The following SH3BGRL2 variants were observed in gnomAD, a reference collection of about 807,000 sequenced individuals.
SH3BGRL2 encodes SH3 domain-binding glutamic acid-rich-like protein 2.
Under a neutral mutation model 14.8 loss-of-function variants are expected in SH3BGRL2, and 21 were observed. The ratio of observed to expected loss-of-function variants is 1.42; its 90% CI spans 1.01 to 2.05. The LOEUF (loss-of-function observed/expected upper bound fraction) is 2.05. Among genes scored for constraint, SH3BGRL2 ranks in the 30% most tolerant of loss-of-function variants. The pLI, the probability that SH3BGRL2 is intolerant of heterozygous loss-of-function variation, is 0.00. For missense variants in SH3BGRL2, 147 were observed against 130.8 expected, an observed-to-expected ratio of 1.12 and a Z score of -0.61; for synonymous variants, 50 against 47.8, an observed-to-expected ratio of 1.05 and a Z score of -0.19.
At chr6:79,690,027 A>G (rs938240706) in intron 2 of SH3BGRL2, among the ~76,000 whole-genome samples, 1 of 152,116 alleles carries the variant, frequency 6.6e-6, no homozygotes, top group Non-Finnish European at 1.5e-5. Flanking sequence ...TCTGTCACCC[A>G]TGCAGGCTGT....
intron 2 of SH3BGRL2, among the ~76,000 whole-genome samples, chr6:79,676,601 A>ATGTGTGTGTGTG (rs1470702025): frequency 8.7e-6 from 1 of 114,406 alleles, no homozygotes; most frequent in Non-Finnish European, 1.8e-5. Context: ...TTATGTCTTT[A>ATGTGTGTGTGTG]TGTATGTGTG....
At chr6:79,633,736 C>T (rs182070224) in intron 1 of SH3BGRL2, among the ~76,000 whole-genome samples, 87 of 152,262 alleles carry the variant, frequency 5.7e-4, no homozygotes, top group South Asian at 2.7e-3. Flanking sequence ...TTGAGTCTCC[C>T]CAATTGTAGT....
chr6:79,654,628 G>A (rs1454592291), intron 1 of SH3BGRL2, among the ~76,000 whole-genome samples: 3 of 152,198 alleles, frequency 2.0e-5, no homozygotes, highest in Admixed American at 6.5e-5. Context: ...CATCTTGGTT[G>A]TTGTTCTTGG....
chr6:79,607,594 C>T, the SH3BGRL2 span, among the ~76,000 whole-genome samples: 1 of 152,256 alleles, frequency 6.6e-6, no homozygotes, highest in East Asian at 1.9e-4. Context: ...TGCAGATGCA[C>T]TGCCCCTGTA....
intron 1 of SH3BGRL2, among the ~76,000 whole-genome samples, chr6:79,665,175 G>A (rs1456584933): frequency 6.6e-6 from 1 of 152,176 alleles, no homozygotes; most frequent in Non-Finnish European, 1.5e-5. Context: ...ACTCCAGCCT[G>A]GGCAACAGAG....
At chr6:79,589,665 T>C in the SH3BGRL2 span, among the ~76,000 whole-genome samples, 443 of 152,276 alleles carry the variant, frequency 2.9e-3, 3 homozygotes, top group African/African-American at 0.01. Flanking sequence ...CCACGCTAGG[T>C]TCAATATTGT....
At chr6:79,694,623 CAT>C (rs2127739351) in intron 2 of SH3BGRL2, among the ~76,000 whole-genome samples, 1 of 152,292 alleles carries the variant, frequency 6.6e-6, no homozygotes, top group Admixed American at 6.5e-5. Flanking sequence ...CTCAATGTTT[CAT>C]ATAGTTTCTC....
the SH3BGRL2 span, among the ~76,000 whole-genome samples, chr6:79,578,795 T>C: frequency 6.6e-6 from 1 of 152,146 alleles, no homozygotes; most frequent in South Asian, 2.1e-4. Context: ...TGGACAGAGA[T>C]TGACTTTTAC....
intron 1 of SH3BGRL2, among the ~76,000 whole-genome samples, chr6:79,664,322 T>C (rs1049531042): frequency 6.6e-6 from 1 of 152,252 alleles, no homozygotes; most frequent in Non-Finnish European, 1.5e-5. Context: ...TTGGATTTAA[T>C]GTTTAGCTCT....
chr6:79,544,432 C>T, the SH3BGRL2 span, among the ~76,000 whole-genome samples: 1 of 152,162 alleles, frequency 6.6e-6, no homozygotes, highest in Non-Finnish European at 1.5e-5. Context: ...TTGCAAAAGC[C>T]AATTGTTACA....
At chr6:79,553,829 G>T in the SH3BGRL2 span, among the ~76,000 whole-genome samples, 3 of 151,974 alleles carry the variant, frequency 2.0e-5, no homozygotes, top group African/African-American at 7.2e-5. Context: ...AAAAATTAGC[G>T]TGGTGGCACA....
chr6:79,675,645 T>C (rs945078204), intron 2 of SH3BGRL2, among the ~76,000 whole-genome samples: 1 of 152,160 alleles, frequency 6.6e-6, no homozygotes, highest in African/African-American at 2.4e-5. Flanking sequence ...TTTTCTAATG[T>C]CCACCTATTC....
Position 79,673,815 on chromosome 6 carries a change from G to A in SH3BGRL2, c.231+16G>A, listed in dbSNP as rs763784066. On this transcript the variant is annotated intron_variant, in intron 2 of 3. Transcript: ENST00000369838. ...ATACTGTGGAGTAAGTGGCTAGACT[G>A]TTATCATGCTGTTTCTTTTTATTGT... The A allele has an allele frequency of 6.2e-7, 1 of 1,605,090 alleles. No individual in the cohort carries two copies. The highest frequency in any genetic ancestry group is 2.2e-5 in the East Asian group (1 of 44,788).
At chr6:79,550,023 A>G in the SH3BGRL2 span, among the ~76,000 whole-genome samples, 1 of 152,172 alleles carries the variant, frequency 6.6e-6, no homozygotes, top group African/African-American at 2.4e-5. Flanking sequence ...AAATCTTAAT[A>G]GTGATTTTTT....
At chr6:79,693,124 G>A (rs1407487503) in intron 2 of SH3BGRL2, among the ~76,000 whole-genome samples, 1 of 152,066 alleles carries the variant, frequency 6.6e-6, no homozygotes, top group African/African-American at 2.4e-5. Context: ...AAGCAATTGT[G>A]AATGGGAGTT....
rs1432908872 is a variant in SH3BGRL2, at chr6:79,700,646, G to C, written c.*1137G>C. 1 of 152,140 alleles carries C rather than the reference G, an allele frequency of 6.6e-6. No individual in the cohort carries two copies. Among genetic ancestry groups the C allele is most frequent in the Non-Finnish European group, 1.5e-5 (1 of 68,030 alleles). 9.4% of individuals were successfully genotyped at this position (152,140 alleles called of 1,614,324 possible). A position where few individuals can be genotyped will look rare whatever the true frequency, so the allele number is the denominator to read the frequency against. ...GTATATGAGCACAAGTAAGGTTTCA[G>C]AGCAACACACATGAGAAAGAGAGTA... On this transcript the variant is annotated 3_prime_UTR_variant, in exon 4 of 4. Coordinates refer to ENST00000369838, the MANE Select transcript of SH3BGRL2 (RefSeq NM_031469.4).
At chr6:79,677,227 C>A (rs919852101) in intron 2 of SH3BGRL2, among the ~76,000 whole-genome samples, 1 of 152,124 alleles carries the variant, frequency 6.6e-6, no homozygotes, top group Non-Finnish European at 1.5e-5. Flanking sequence ...TACCACATTG[C>A]GAGTGACACG....
At chr6:79,669,123 T>A (rs189845670) in intron 1 of SH3BGRL2, among the ~76,000 whole-genome samples, 1 of 152,348 alleles carries the variant, frequency 6.6e-6, no homozygotes, top group Admixed American at 6.5e-5. Flanking sequence ...ATTCAGTTAA[T>A]ATTTATTGAG....
chr6:79,616,598 A>G, the SH3BGRL2 span, among the ~76,000 whole-genome samples: 35 of 135,078 alleles, frequency 2.6e-4, no homozygotes, highest in African/African-American at 8.9e-4. Flanking sequence ...CTGAGGTAAC[A>G]CAGACAGGCT....
Sources: gnomAD v4.1 joint callset for allele counts (sites outside exome capture counted in the v4.1 genomes callset) on GRCh38, gnomAD v4.1.1 for gene constraint, MANE v1.5 for transcripts, NCBI Gene and HGNC (gene_info 2026-07-23, HGNC 2026-07-21) for gene names.